FER1L6: variants seen among roughly 807,000 people sequenced by gnomAD.
FER1L6 encodes the protein fer-1 like family member 6, also known as fer-1-like protein 6.
Under a neutral mutation model 219.2 loss-of-function variants are expected in FER1L6, and 177 were observed. The ratio of observed to expected loss-of-function variants is 0.81; its 90% CI spans 0.71 to 0.91. FER1L6 has a LOEUF of 0.91. Among genes scored for constraint, FER1L6 ranks in the 40% least tolerant of loss-of-function variants. The probability of loss-of-function intolerance (pLI) is 0.00; values close to 1 mark genes in which losing one functional copy is unlikely to be tolerated. For missense variants in FER1L6, 2,153 were observed against 2,259.9 expected (o/e 0.95, Z 0.96); for synonymous variants, 768 against 824.3 (o/e 0.93, Z 1.17).
chr8:124,041,146 G>T (rs547044983), intron 20 of FER1L6, among the ~76,000 whole-genome samples: 1 of 152,276 alleles, frequency 6.6e-6, no homozygotes, highest in African/African-American at 2.4e-5. Flanking sequence ...GCCCATCTCA[G>T]GGAGTTAAGC....
intron 14 of FER1L6, among the ~76,000 whole-genome samples, chr8:124,010,941 T>C (rs1477596641): frequency 2.6e-5 from 4 of 152,230 alleles, no homozygotes; most frequent in Non-Finnish European, 4.4e-5. Flanking sequence ...AAATCCCTGC[T>C]CTGCTTCTGG....
Position 124,064,509 on chromosome 8 carries a change from C to T in FER1L6, c.3491C>T (p.Ser1164Phe), listed in dbSNP as rs1820739897. The change falls in exon 26 of 41, where the codon TCC becomes TTC. Residue 1164 changes from serine (S) to phenylalanine (F), a missense_variant. Transcript: ENST00000522917. ...ATCCTGGTTGACGTCCCTGACTCAT[C>T]CCCGATGCTGGAGCCTGAACACACA... ...PAILVDVPDS[S>F]PMLEPEHTPV... 1.2e-6 allele frequency: 2 copies of T among 1,613,988 alleles called. No homozygotes were observed. Among genetic ancestry groups the T allele is most frequent in the Non-Finnish European group, 8.5e-7 (1 of 1,179,952 alleles).
intron 1 of FER1L6, among the ~76,000 whole-genome samples, chr8:123,881,823 G>T (rs1817116089): frequency 6.6e-6 from 1 of 152,108 alleles, no homozygotes; most frequent in Admixed American, 6.6e-5. Flanking sequence ...CTCAAGTTGT[G>T]TCAGAGCAAA....
chr8:124,069,589 T>C (rs1820980981), intron 29 of FER1L6, 114 bp downstream of exon 29: 1 of 690,898 alleles, frequency 1.4e-6, no homozygotes, highest in African/African-American at 1.9e-5. Context: ...TTTGTCTTCA[T>C]TGTCACCGAT....
intron 39 of FER1L6, among the ~76,000 whole-genome samples, chr8:124,110,884 C>T (rs929227846): frequency 1.3e-5 from 2 of 151,794 alleles, no homozygotes; most frequent in Admixed American, 1.3e-4. Flanking sequence ...GTTATCAGTG[C>T]CCCCCCTCCC....
In FER1L6 at chr8:123,876,660, C is replaced by G. The variant is rs562141755; in HGVS notation, c.-8+24475C>G. On this transcript the variant is annotated intron_variant, in intron 1 of 40. Coordinates refer to ENST00000522917, the MANE Select transcript of FER1L6 (RefSeq NM_001039112.2). ...AAATAGTTCTTCCTTAACCACCTTA[C>G]AGAAAAAAAGCAATCCCTTCTACAC... is the stretch of plus-strand genomic sequence containing the variant. Among the ~76,000 whole-genome samples the G allele has an allele frequency of 2.6e-5, 4 of 152,224 alleles. No homozygotes were observed. The South Asian group carries it at 8.3e-4, about 32-fold the overall frequency.
At chr8:124,095,140 G>C (rs1356430403) in intron 35 of FER1L6, 102 bp downstream of exon 35, 4 of 1,447,294 alleles carry the variant, frequency 2.8e-6, no homozygotes, top group Non-Finnish European at 2.8e-6. Context: ...GGTACATTTA[G>C]CAATGTCTGG....
At chr8:124,046,077 A>C in intron 21 of FER1L6, 176 bp downstream of exon 21, 1 of 604,622 alleles carries the variant, frequency 1.7e-6, no homozygotes. Flanking sequence ...AAGATTGGTG[A>C]TGATCATTTG....
intron 1 of FER1L6, among the ~76,000 whole-genome samples, chr8:123,869,326 C>T (rs1007370641): frequency 3.3e-5 from 5 of 152,160 alleles, no homozygotes; most frequent in Non-Finnish European, 5.9e-5. Context: ...ATCTGTATCC[C>T]GAGCACATCT....
At chr8:123,969,980 G>A in intron 5 of FER1L6, 55 bp from the exon 6 acceptor site, 1 of 1,423,220 alleles carries the variant, frequency 7.0e-7, no homozygotes, top group Non-Finnish European at 9.9e-7. Context: ...CCAAGGACAG[G>A]ATTCTTAGGT....
chr8:123,945,711 T>C (rs1273939398), intron 1 of FER1L6, among the ~76,000 whole-genome samples: 1 of 152,260 alleles, frequency 6.6e-6, no homozygotes, highest in Non-Finnish European at 1.5e-5. Context: ...TTAAGGTTTT[T>C]ATTCTTGGAA....
intron 1 of FER1L6, among the ~76,000 whole-genome samples, chr8:123,866,184 C>T (rs530493865): frequency 2.0e-4 from 30 of 152,040 alleles, no homozygotes; most frequent in South Asian, 4.1e-4. Flanking sequence ...TGAGATTATA[C>T]GGTATTTGTC....
chr8:124,112,838 G>C (rs1823078179), intron 39 of FER1L6, among the ~76,000 whole-genome samples: 2 of 152,156 alleles, frequency 1.3e-5, no homozygotes, highest in African/African-American at 4.8e-5. Flanking sequence ...GATCAGACAA[G>C]AGCAGACAAG....
intron 22 of FER1L6, among the ~76,000 whole-genome samples, chr8:124,050,127 C>T (rs1228768392): frequency 2.6e-5 from 4 of 152,118 alleles, no homozygotes; most frequent in Non-Finnish European, 5.9e-5. Flanking sequence ...ATTGTTGTCT[C>T]GTATACCTTT....
intron 18 of FER1L6, among the ~76,000 whole-genome samples, chr8:124,025,274 T>C (rs980184430): frequency 4.6e-5 from 7 of 152,090 alleles, no homozygotes; most frequent in African/African-American, 1.7e-4. Context: ...GAAGAGTTTT[T>C]TTCTAGGTTT....
intron 12 of FER1L6, among the ~76,000 whole-genome samples, chr8:123,987,860 C>G (rs1271235417): frequency 2.6e-5 from 4 of 152,100 alleles, no homozygotes; most frequent in Non-Finnish European, 5.9e-5. Flanking sequence ...ACCTGTAATC[C>G]CAGCAGTTTG....
chr8:124,085,887 G>T (rs1302024589), intron 33 of FER1L6, among the ~76,000 whole-genome samples: 1 of 152,014 alleles, frequency 6.6e-6, no homozygotes, highest in Non-Finnish European at 1.5e-5. Context: ...TTATATCTGG[G>T]TGCTCCACGG....
At chr8:123,927,236 A>C (rs1187118669) in intron 1 of FER1L6, among the ~76,000 whole-genome samples, 1 of 152,146 alleles carries the variant, frequency 6.6e-6, no homozygotes, top group African/African-American at 2.4e-5. Flanking sequence ...ATAGCTCAAC[A>C]AGAATCAACG....
chr8:124,006,568 G>T (rs541947089), intron 13 of FER1L6, among the ~76,000 whole-genome samples: 2 of 152,316 alleles, frequency 1.3e-5, no homozygotes, highest in Admixed American at 1.3e-4. Flanking sequence ...CCATTAAAAT[G>T]TCACCTTGGA....
Sources: gnomAD v4.1 joint callset for allele counts (sites outside exome capture counted in the v4.1 genomes callset) on GRCh38, gnomAD v4.1.1 for gene constraint, MANE v1.5 for transcripts, NCBI Gene and HGNC (gene_info 2026-07-23, HGNC 2026-07-21) for gene names.